ARID1B: variants seen among roughly 807,000 people sequenced by gnomAD.
ARID1B encodes the protein AT-rich interactive domain-containing protein 1B.
Under a neutral mutation model 212.3 loss-of-function variants are expected in ARID1B, and 30 were observed. The observed-to-expected ratio is 0.14, with a 90% CI of 0.11 to 0.19. The LOEUF (loss-of-function observed/expected upper bound fraction) is 0.19, where lower values mean the gene tolerates loss of function less well. Ranked by LOEUF, ARID1B falls within the 10% of genes least tolerant of loss-of-function variation. The pLI is 1.00. For synonymous variants in ARID1B, 1,402 were observed against 1,301.7 expected, an observed-to-expected ratio of 1.08 and a Z score of -1.66; for missense variants, 2,891 against 3,204.0, an observed-to-expected ratio of 0.90 and a Z score of 2.36.
intron 4 of ARID1B, among the ~76,000 whole-genome samples, chr6:156,971,838 T>C (rs1776951757): frequency 6.6e-6 from 1 of 152,140 alleles, no homozygotes; most frequent in South Asian, 2.1e-4. Flanking sequence ...ATAATTTCCT[T>C]TTCGATTAAC....
At chr6:157,205,950 C>A (rs959937248) in intron 19 of ARID1B, 2 of 585,720 alleles carry the variant, frequency 3.4e-6, no homozygotes, top group Admixed American at 5.8e-5. Context: ...AAATAAGGAA[C>A]ATGCTAAACA....
At chr6:157,075,722 A>G (rs911559866) in intron 4 of ARID1B, among the ~76,000 whole-genome samples, 3 of 152,258 alleles carry the variant, frequency 2.0e-5, no homozygotes, top group African/African-American at 7.2e-5. Flanking sequence ...CTATGGTACG[A>G]TATGAAGGAC....
At chr6:156,843,348 G>T (rs987394964) in intron 2 of ARID1B, among the ~76,000 whole-genome samples, 1 of 152,136 alleles carries the variant, frequency 6.6e-6, no homozygotes, top group African/African-American at 2.4e-5. Flanking sequence ...AACAGTTCAT[G>T]CTGTAAGTTA....
intron 4 of ARID1B, among the ~76,000 whole-genome samples, chr6:156,986,515 T>C (rs9384523): frequency 0.54 from 82,472 of 152,040 alleles, 22,742 homozygotes; most frequent in East Asian, 0.66. Flanking sequence ...TCTGGCTCTG[T>C]CACTCGGTCA....
intron 4 of ARID1B, among the ~76,000 whole-genome samples, chr6:157,080,432 A>G (rs1784569380): frequency 6.6e-6 from 1 of 152,190 alleles, no homozygotes; most frequent in Admixed American, 6.5e-5. Context: ...TCATGTAGTA[A>G]TGTAAAATAT....
intron 1 of ARID1B, among the ~76,000 whole-genome samples, chr6:156,828,552 G>A (rs1048699531): frequency 5.3e-5 from 8 of 152,136 alleles, no homozygotes; most frequent in African/African-American, 1.2e-4. Flanking sequence ...GAAGCCCAGG[G>A]CCTGACTCAC....
Position 156,779,201 on chromosome 6 carries a change from C to A in ARID1B, c.1521C>A (p.Thr507=), listed in dbSNP as rs2114998732. 1 of 1,336,972 alleles carries A rather than the reference C, an allele frequency of 7.5e-7. No individual in the cohort carries two copies. The highest frequency in any genetic ancestry group is 2.0e-5 in the South Asian group (1 of 51,126). The allele number at this position is 1,336,972 out of a possible 1,614,324, so 82.8% of individuals were successfully genotyped here. A position where few individuals can be genotyped will look rare whatever the true frequency, so the allele number is the denominator to read the frequency against. Residue 507 remains threonine (T), a synonymous_variant, in exon 1 of 20, where the codon ACC becomes ACA. Coordinates refer to ENST00000636930, the MANE Select transcript of ARID1B (RefSeq NM_001374828.1). Reference sequence around the variant, plus strand: ...CCCCGACCCTCAATCAGCTGCTCACCTCGCCCAGCCCCATGATGCGGAGCT... The same window carrying A: ...CCCCGACCCTCAATCAGCTGCTCACATCGCCCAGCCCCATGATGCGGAGCT... ...GATPTLNQLL[T]SPSPMMRSYG...
intron 4 of ARID1B, among the ~76,000 whole-genome samples, chr6:157,012,942 T>C (rs1406718435): frequency 6.6e-6 from 1 of 152,022 alleles, no homozygotes; most frequent in Admixed American, 6.5e-5. Flanking sequence ...TGCAATGGCA[T>C]GATCTCGGCT....
At chr6:157,137,266 T>A (rs945517326) in intron 7 of ARID1B, among the ~76,000 whole-genome samples, 1 of 152,216 alleles carries the variant, frequency 6.6e-6, no homozygotes, top group Non-Finnish European at 1.5e-5. Context: ...TCTGAATTTT[T>A]AAATAAATGA....
At chr6:157,113,356 A>G (rs960351889) in intron 6 of ARID1B, among the ~76,000 whole-genome samples, 4 of 152,236 alleles carry the variant, frequency 2.6e-5, no homozygotes, top group Non-Finnish European at 5.9e-5. Context: ...TTGTTTTCAC[A>G]CTGCTATAAA....
rs1278873945 is a variant in ARID1B, at chr6:156,778,797, T to C, written c.1117T>C (p.Tyr373His). 3 of 1,490,544 alleles carry C rather than the reference T, an allele frequency of 2.0e-6. No individual in the cohort carries two copies. The South Asian group carries it at 3.8e-5, about 19-fold the overall frequency. The allele number at this position is 1,490,544 out of a possible 1,614,324, so 92.3% of individuals were successfully genotyped here. A position where few individuals can be genotyped will look rare whatever the true frequency, so the allele number is the denominator to read the frequency against. ...CCCCCTGCAGAACTCCCACGAAGGG[T>C]ACCCCAACAGCCAGTGCAACCATTA... ...MDPLQNSHEGYPNSQCNHYPG... is the reference protein window; with the variant it reads ...MDPLQNSHEGHPNSQCNHYPG... Residue 373 changes from tyrosine (Y) to histidine (H), a missense_variant, in exon 1 of 20, where the codon TAC becomes CAC. Physicochemically the swap from Tyr to His is moderately conservative, Grantham distance 83. Transcript: ENST00000636930.
At chr6:157,012,676 T>C (rs1346599168) in intron 4 of ARID1B, among the ~76,000 whole-genome samples, 1 of 152,220 alleles carries the variant, frequency 6.6e-6, no homozygotes, top group East Asian at 1.9e-4. Flanking sequence ...GTACGTGACC[T>C]TAGACAGTCA....
At chr6:157,152,803 C>T (rs1172293218) in intron 8 of ARID1B, among the ~76,000 whole-genome samples, 2 of 152,064 alleles carry the variant, frequency 1.3e-5, no homozygotes, top group Non-Finnish European at 2.9e-5. Flanking sequence ...GTTAGGTTGG[C>T]GATTAGAAAA....
chr6:156,944,315 T>C (rs9478740), intron 4 of ARID1B, among the ~76,000 whole-genome samples: 11,046 of 152,198 alleles, frequency 0.073, 446 homozygotes, highest in Non-Finnish European at 0.075. Context: ...CTTGAACTTA[T>C]TGAGGGATTT....
chr6:157,163,605 TG>T (rs538700127), intron 8 of ARID1B, among the ~76,000 whole-genome samples: 90 of 152,258 alleles, frequency 5.9e-4, no homozygotes, highest in Admixed American at 1.6e-3. Context: ...CCTGTGCTCC[TG>T]GGAGGACTCA....
At chr6:156,823,238 G>A (rs1782490103) in intron 1 of ARID1B, among the ~76,000 whole-genome samples, 1 of 152,152 alleles carries the variant, frequency 6.6e-6, no homozygotes, top group Non-Finnish European at 1.5e-5. Flanking sequence ...ATGAGTAGGT[G>A]GGCCCTGGGC....
At chr6:157,129,857 AG>A (rs1401994419) in intron 6 of ARID1B, among the ~76,000 whole-genome samples, 2 of 152,326 alleles carry the variant, frequency 1.3e-5, no homozygotes, top group Non-Finnish European at 2.9e-5. Flanking sequence ...AGTGTCACAG[AG>A]GCCACAAAAA....
intron 4 of ARID1B, chr6:157,023,539 C>T (rs1265775164): frequency 6.6e-6 from 1 of 152,194 alleles, no homozygotes; most frequent in Non-Finnish European, 1.5e-5. Context: ...GATTTCTCCC[C>T]ATCGTCGTGG....
chr6:157,166,666 A>T (rs1048830673), intron 8 of ARID1B: 1 of 158,454 alleles, frequency 6.3e-6, no homozygotes, highest in Non-Finnish European at 1.4e-5. Flanking sequence ...TTGGGTTTTT[A>T]TGTGAGGTTA....
Sources: gnomAD v4.1 joint callset for allele counts (sites outside exome capture counted in the v4.1 genomes callset) on GRCh38, gnomAD v4.1.1 for gene constraint, MANE v1.5 for transcripts, NCBI Gene and HGNC (gene_info 2026-07-23, HGNC 2026-07-21) for gene names.